The following GPRIN3 variants were observed in gnomAD, a reference collection of about 807,000 sequenced individuals.
GPRIN3 encodes the protein GPRIN family member 3.
A neutral mutation model predicts 13.7 loss-of-function variants in GPRIN3; 12 were observed. The observed-to-expected ratio is 0.87, with a 90% CI of 0.56 to 1.42. The LOEUF (loss-of-function observed/expected upper bound fraction) is 1.42, where lower values mean the gene tolerates loss of function less well. GPRIN3 is among the 40% of genes most tolerant of loss of function. GPRIN3 has a pLI of 0.00. For synonymous variants in GPRIN3, 377 were observed against 372.7 expected (o/e 1.01, Z -0.13); for missense variants, 1,009 against 958.7 (o/e 1.05, Z -0.69).
intron 1 of GPRIN3, among the ~76,000 whole-genome samples, chr4:89,265,717 TCTTC>T (rs1272133226): frequency 2.6e-5 from 4 of 152,188 alleles, no homozygotes; most frequent in Non-Finnish European, 5.9e-5. Context: ...ATTGGACTTT[TCTTC>T]CTTCCTTCCA....
Position 89,307,297 on chromosome 4 carries a change from A to ACACACC in GPRIN3, c.-124+317_-124+318insGGTGTG, listed in dbSNP as rs1491184500. Among the ~76,000 whole-genome samples, 3 of 142,374 alleles carry ACACACC rather than the reference A, an allele frequency of 2.1e-5. No individual in the cohort carries two copies. In the South Asian group the frequency reaches 6.6e-4, roughly 32 times the overall value. The allele number at this position is 142,374 out of a possible 152,430, so 93.4% of individuals were successfully genotyped here. On this transcript the variant is annotated intron_variant, in intron 1 of 1. Transcript: ENST00000609438. The stretch of plus-strand genomic sequence containing the variant: ...CACACACACACACACACACACACAC[A>ACACACC]CCCCTCATATTCGGATATTCGCAGT...
At chr4:89,263,790 G>C (rs948205181) in intron 1 of GPRIN3, among the ~76,000 whole-genome samples, 1 of 152,166 alleles carries the variant, frequency 6.6e-6, no homozygotes, top group Non-Finnish European at 1.5e-5. Flanking sequence ...GAGGCCCAGA[G>C]AATTTCAGCT....
chr4:89,244,315 TTTA>T lies in GPRIN3; in HGVS notation c.*3462_*3464del, dbSNP rs1374846315. 6.6e-6 allele frequency: 1 copy of T among 152,180 alleles called. No individual in the cohort carries two copies. Among genetic ancestry groups the T allele is most frequent in the Non-Finnish European group, 1.5e-5 (1 of 68,026 alleles). 9.4% of individuals were successfully genotyped at this position (152,180 alleles called of 1,614,324 possible). ...ATTTATTTCAATTTTTATGTTTAAC[TTTA>T]TAACATGGTGAACACTGGTATTCAA... On this transcript the variant is annotated 3_prime_UTR_variant, in exon 2 of 2. Transcript: ENST00000609438.
chr4:89,247,820 T>C lies in GPRIN3; in HGVS notation c.2291A>G (p.Asn764Ser). The C allele has an allele frequency of 6.2e-7, 1 of 1,613,742 alleles. No individual in the cohort carries two copies. Among genetic ancestry groups the C allele is most frequent in the East Asian group, 2.2e-5 (1 of 44,848 alleles). The change falls in exon 2 of 2, where the codon AAC becomes AGC. Residue 764 changes from asparagine (N) to serine (S), a missense_variant. Transcript: ENST00000609438. ...QSMLQNFRRP[N>S]CCVRPAPSSV... The stretch of plus-strand genomic sequence containing the variant: ...AGACGGGGCAGGACGGACGCAGCAG[T>C]TGGGGCGTCGGAAGTTCTGCAGCAT...
Position 89,248,722 on chromosome 4 carries a change from C to T in GPRIN3, c.1389G>A (p.Leu463=), listed in dbSNP as rs1723196909. The part of the protein sequence containing the change: ...KKLAGTNSSS[L]KATAIDQISI... ...AAATCTGGTCAATGGCGGTAGCTTT[C>T]AGGGAGCTAGAATTAGTACCTGCGA... Residue 463 remains leucine (L), a synonymous_variant, in exon 2 of 2, where the codon CTG becomes CTA. Coordinates refer to ENST00000609438, the MANE Select transcript of GPRIN3 (RefSeq NM_198281.3). The T allele has an allele frequency of 6.2e-7, 1 of 1,614,068 alleles. No individual in the cohort carries two copies. The highest frequency in any genetic ancestry group is 1.7e-5 in the Admixed American group (1 of 60,012).
At chr4:89,255,718 A>G (rs1723447480) in intron 1 of GPRIN3, among the ~76,000 whole-genome samples, 1 of 152,218 alleles carries the variant, frequency 6.6e-6, no homozygotes, top group South Asian at 2.1e-4. Context: ...AATTCTCTCT[A>G]AGCTGGCTTA....
intron 1 of GPRIN3, among the ~76,000 whole-genome samples, chr4:89,281,759 T>C (rs1358140214): frequency 6.6e-6 from 1 of 152,160 alleles, no homozygotes; most frequent in African/African-American, 2.4e-5. Context: ...GGTATTTTGT[T>C]ATGGCCACTC....
rs1723184280 is a variant in GPRIN3 at position 89,248,494 on chromosome 4, C to T, written c.1617G>A (p.Lys539=). The T allele has an allele frequency of 6.2e-7, 1 of 1,612,688 alleles. No individual in the cohort carries two copies. The highest frequency in any genetic ancestry group is 2.2e-5 in the East Asian group (1 of 44,848). ...PTNKGDAREK[K]PASPQVVKEK... ...CTTTTACTACCTGAGGAGATGCAGG[C>T]TTCTTTTCCCTTGCATCTCCTTTAT... Residue 539 remains lysine, a synonymous_variant, in exon 2 of 2, where the codon AAG becomes AAA. Coordinates refer to ENST00000609438, the MANE Select transcript of GPRIN3 (RefSeq NM_198281.3).
At chr4:89,307,297 A>ACACACACACC (rs1491184500) in intron 1 of GPRIN3, among the ~76,000 whole-genome samples, 1 of 142,266 alleles carries the variant, frequency 7.0e-6, no homozygotes, top group South Asian at 2.2e-4. Flanking sequence ...ACACACACAC[A>ACACACACACC]CCCCTCATAT....
chr4:89,283,825 G>T (rs1724326589), intron 1 of GPRIN3, among the ~76,000 whole-genome samples: 1 of 152,124 alleles, frequency 6.6e-6, no homozygotes, highest in African/African-American at 2.4e-5. Flanking sequence ...GGTGGGGCTG[G>T]AACAATATTT....
At chr4:89,266,238 A>G (rs1723775659) in intron 1 of GPRIN3, among the ~76,000 whole-genome samples, 1 of 152,194 alleles carries the variant, frequency 6.6e-6, no homozygotes, top group Non-Finnish European at 1.5e-5. Context: ...GTTATACAGA[A>G]GAAACTTGCT....
Position 89,257,864 on chromosome 4 carries a change from G to A in GPRIN3, c.-123-7631C>T, listed in dbSNP as rs898873641. Among the ~76,000 whole-genome samples, 9 of 152,080 alleles carry A rather than the reference G, an allele frequency of 5.9e-5. 1 individual carries two copies. The highest frequency in any genetic ancestry group is 6.9e-3 in the Middle Eastern group (2 of 290). ...GGTCAATTGGGCAATACAGAAATCC[G>A]ATACAGAAATCTTCATAATGATTAA... is the stretch of plus-strand genomic sequence containing the variant. On this transcript the variant is annotated intron_variant, in intron 1 of 1. Transcript: ENST00000609438.
chr4:89,251,614 A>G (rs1294709565), intron 1 of GPRIN3, among the ~76,000 whole-genome samples: 1 of 152,236 alleles, frequency 6.6e-6, no homozygotes, highest in Non-Finnish European at 1.5e-5. Context: ...TGCAACCAGT[A>G]AAGTAAATAA....
intron 1 of GPRIN3, among the ~76,000 whole-genome samples, chr4:89,260,698 T>C (rs1723599354): frequency 1.3e-5 from 2 of 152,220 alleles, no homozygotes; most frequent in African/African-American, 2.4e-5. Flanking sequence ...ATTTCCTGTA[T>C]AGCTATTCTA....
In GPRIN3 at chr4:89,238,747, C is replaced by T. The variant is rs1722848467; in HGVS notation, c.*9033G>A. 1 of 152,168 alleles carries T rather than the reference C, an allele frequency of 6.6e-6. No individual in the cohort carries two copies. Among genetic ancestry groups the T allele is most frequent in the South Asian group, 2.1e-4 (1 of 4,828 alleles). 9.4% of individuals were successfully genotyped at this position (152,168 alleles called of 1,614,324 possible). A position where few individuals can be genotyped will look rare whatever the true frequency, so the allele number is the denominator to read the frequency against. On this transcript the variant is annotated 3_prime_UTR_variant, in exon 2 of 2. Transcript: ENST00000609438. ...ATACTTCCAGTTCCACTGCAGATTC[C>T]TAGCAGAAGCTGTCACATGGAAAAT...
chr4:89,266,058 G>A (rs1447125392), intron 1 of GPRIN3, among the ~76,000 whole-genome samples: 1 of 152,126 alleles, frequency 6.6e-6, no homozygotes, highest in Non-Finnish European at 1.5e-5. Context: ...TTGTAAGGGT[G>A]GGGTGCAGTA....
At chr4:89,259,138 T>C in intron 1 of GPRIN3, among the ~76,000 whole-genome samples, 1 of 151,722 alleles carries the variant, frequency 6.6e-6, no homozygotes, top group South Asian at 2.1e-4. Flanking sequence ...CTTGAAGAAG[T>C]AACATTTAGC....
At chr4:89,283,464 G>C (rs1187356321) in intron 1 of GPRIN3, among the ~76,000 whole-genome samples, 1 of 152,170 alleles carries the variant, frequency 6.6e-6, no homozygotes, top group Non-Finnish European at 1.5e-5. Context: ...AAAAATACCA[G>C]GAACATAGTA....
At chr4:89,299,189 A>C (rs569623700) in intron 1 of GPRIN3, among the ~76,000 whole-genome samples, 1 of 152,262 alleles carries the variant, frequency 6.6e-6, no homozygotes, top group South Asian at 2.1e-4. Flanking sequence ...CCACCATTCT[A>C]TAAGGAAATG....
Sources: gnomAD v4.1 joint callset for allele counts (sites outside exome capture counted in the v4.1 genomes callset) on GRCh38, gnomAD v4.1.1 for gene constraint, MANE v1.5 for transcripts, NCBI Gene and HGNC (gene_info 2026-07-23, HGNC 2026-07-21) for gene names.